The following FANCB variants were observed in gnomAD, a reference collection of about 807,000 sequenced individuals.
The protein encoded by FANCB is FA complementation group B, also known as Fanconi anemia group B protein.
Under a neutral mutation model 38.9 loss-of-function variants are expected in FANCB, and 5 were observed. That is an observed-to-expected ratio of 0.13 (90% confidence interval 0.07 to 0.27). The LOEUF is 0.27. Ranked by LOEUF, FANCB falls within the 10% of genes least tolerant of loss-of-function variation. The probability of loss-of-function intolerance (pLI) is 1.00; values close to 1 mark genes in which losing one functional copy is unlikely to be tolerated. For synonymous variants in FANCB, 236 were observed against 215.4 expected, an observed-to-expected ratio of 1.10 and a Z score of -0.84; for missense variants, 573 against 602.7, an observed-to-expected ratio of 0.95 and a Z score of 0.52.
chrX:14,846,264 G>C (rs1214653074), intron 7 of FANCB, among the ~76,000 whole-genome samples: 2 of 111,215 alleles, frequency 1.8e-5, no homozygotes, highest in South Asian at 3.7e-4. Flanking sequence ...TCCTTAATCT[G>C]AATTGGACGT....
At chrX:14,756,550 A>G in the FANCB span, among the ~76,000 whole-genome samples, 5 of 111,812 alleles carry the variant, frequency 4.5e-5, no homozygotes, top group African/African-American at 1.6e-4. Context: ...GGCCGCACAA[A>G]TGTTTATGAT....
intron 7 of FANCB, among the ~76,000 whole-genome samples, chrX:14,848,706 A>G (rs1344940873): frequency 2.7e-5 from 3 of 112,176 alleles, no homozygotes; most frequent in Non-Finnish European, 5.6e-5. Flanking sequence ...ATCTCTGTAT[A>G]CTGTACTTCT....
the FANCB span, among the ~76,000 whole-genome samples, chrX:14,772,409 A>C: frequency 8.9e-6 from 1 of 112,166 alleles, no homozygotes; most frequent in Admixed American, 9.4e-5. Flanking sequence ...GCTATGCTTC[A>C]TTGTTGGGGA....
the FANCB span, among the ~76,000 whole-genome samples, chrX:14,691,290 T>A: frequency 3.0e-5 from 3 of 99,300 alleles, no homozygotes; most frequent in African/African-American, 8.2e-5. Context: ...TGTGTGTGTG[T>A]GTGTGTGTGT....
At chrX:14,814,249 C>G in the FANCB span, among the ~76,000 whole-genome samples, 1 of 111,760 alleles carries the variant, frequency 8.9e-6, no homozygotes, top group East Asian at 2.8e-4. Context: ...CAATACCATT[C>G]AGGACACAGG....
the FANCB span, among the ~76,000 whole-genome samples, chrX:14,741,108 T>C: frequency 2.7e-5 from 3 of 111,297 alleles, no homozygotes; most frequent in Admixed American, 2.9e-4. Flanking sequence ...ATTTGTTCAA[T>C]GAATAACTGA....
chrX:14,844,055 TAATC>T (rs1169937960), intron 9 of FANCB, 74 bp from the exon 10 acceptor site: 3 of 801,516 alleles, frequency 3.7e-6, no homozygotes, highest in Non-Finnish European at 5.4e-6. Flanking sequence ...TATACTGCAG[TAATC>T]AATTAATATT....
chrX:14,735,322 C>A, the FANCB span, among the ~76,000 whole-genome samples: 9 of 109,911 alleles, frequency 8.2e-5, no homozygotes, highest in African/African-American at 3.0e-4. Context: ...TTCTGTTTTT[C>A]GGAATTTTCA....
At chrX:14,720,099 TAAG>T in the FANCB span, among the ~76,000 whole-genome samples, 2 of 111,331 alleles carry the variant, frequency 1.8e-5, no homozygotes, top group African/African-American at 6.5e-5. Flanking sequence ...TACAGCTACA[TAAG>T]AAGAACAAGT....
chrX:14,707,887 T>C, the FANCB span, among the ~76,000 whole-genome samples: 1 of 111,081 alleles, frequency 9.0e-6, no homozygotes. Context: ...ACTTGATGAT[T>C]TGATATATGT....
chrX:14,815,756 A>T, the FANCB span, among the ~76,000 whole-genome samples: 1 of 112,533 alleles, frequency 8.9e-6, no homozygotes, highest in Non-Finnish European at 1.9e-5. Context: ...AAAGATATGG[A>T]ATCAACCTGT....
chrX:14,822,003 ACT>A, the FANCB span, among the ~76,000 whole-genome samples: 1 of 111,472 alleles, frequency 9.0e-6, no homozygotes, highest in South Asian at 3.8e-4. Flanking sequence ...AGAGCACCTC[ACT>A]CTGCAGTTGG....
At chrX:14,867,232 T>C (rs1005258757) in intron 2 of FANCB, among the ~76,000 whole-genome samples, 5 of 110,872 alleles carry the variant, frequency 4.5e-5, no homozygotes, top group African/African-American at 6.6e-5. Context: ...GAAAAAACAA[T>C]CCTGAAATTC....
chrX:14,810,710 A>G, the FANCB span, among the ~76,000 whole-genome samples: 5 of 111,975 alleles, frequency 4.5e-5, no homozygotes, highest in Non-Finnish European at 3.8e-5. Flanking sequence ...TGAAAGTGAC[A>G]GGGAGAATGG....
downstream of FANCB, among the ~76,000 whole-genome samples, chrX:14,831,797 GAAC>G (rs2092328178): frequency 8.9e-6 from 1 of 112,058 alleles, no homozygotes; most frequent in Non-Finnish European, 1.9e-5. Flanking sequence ...GCAGTCTGTA[GAAC>G]AAAACCGGAA....
the FANCB span, among the ~76,000 whole-genome samples, chrX:14,736,533 C>T: frequency 2.7e-5 from 3 of 111,500 alleles, no homozygotes; most frequent in African/African-American, 9.8e-5. Context: ...AGGCAACGCC[C>T]CACCCTGCTT....
chrX:14,866,025 C>T (rs1054026684), intron 2 of FANCB, among the ~76,000 whole-genome samples: 1 of 111,484 alleles, frequency 9.0e-6, no homozygotes, highest in Admixed American at 9.5e-5. Flanking sequence ...TCCCCAAATA[C>T]GTTGATTTTC....
At chrX:14,695,575 G>A in the FANCB span, among the ~76,000 whole-genome samples, 1 of 112,094 alleles carries the variant, frequency 8.9e-6, no homozygotes, top group African/African-American at 3.2e-5. Context: ...AGCACAAAGA[G>A]GTTAAATAGC....
chrX:14,768,944 T>C, the FANCB span, among the ~76,000 whole-genome samples: 2 of 112,194 alleles, frequency 1.8e-5, no homozygotes, highest in Admixed American at 1.9e-4. Flanking sequence ...GAGTTCTGTT[T>C]ATGTGATTAA....
Sources: allele counts gnomAD v4.1 joint callset (sites outside exome capture counted in the v4.1 genomes callset), GRCh38; gene constraint gnomAD v4.1.1; transcripts MANE v1.5; gene names NCBI Gene and HGNC (gene_info 2026-07-23, HGNC 2026-07-21).